Variants in TLE4 observed in about 807,000 individuals in gnomAD.
TLE4 encodes TLE family member 4, transcriptional corepressor.
Under a neutral mutation model 92.8 loss-of-function variants are expected in TLE4, and 8 were observed. The ratio of observed to expected loss-of-function variants is 0.09; its 90% CI spans 0.05 to 0.16. TLE4 has a LOEUF of 0.16. Ranked by LOEUF, TLE4 falls within the 10% of genes least tolerant of loss-of-function variation. The pLI is 1.00. For missense variants in TLE4, 675 were observed against 997.6 expected, an observed-to-expected ratio of 0.68 and a Z score of 4.36; for synonymous variants, 371 against 374.1, an observed-to-expected ratio of 0.99 and a Z score of 0.10.
intron 15 of TLE4, among the ~76,000 whole-genome samples, chr9:79,719,223 G>A (rs185148157): frequency 2.0e-5 from 3 of 152,080 alleles, no homozygotes; most frequent in Admixed American, 6.5e-5. Context: ...AAGGCAAACC[G>A]CTTGTTTTCC....
chr9:79,722,415 T>G (rs1421406836), intron 17 of TLE4, 36 bp from the exon 18 acceptor site: 1 of 1,611,270 alleles, frequency 6.2e-7, no homozygotes. Context: ...GCGTGTCCAC[T>G]GTGGCCACTG....
chr9:79,611,163 T>C (rs1201888804), intron 4 of TLE4, among the ~76,000 whole-genome samples: 2 of 152,080 alleles, frequency 1.3e-5, no homozygotes, highest in East Asian at 1.9e-4. Flanking sequence ...CACTGTGGTA[T>C]GTTCGTCCAG....
chr9:79,673,284 A>C (rs1465087849), intron 8 of TLE4, among the ~76,000 whole-genome samples: 1 of 152,196 alleles, frequency 6.6e-6, no homozygotes, highest in African/African-American at 2.4e-5. Flanking sequence ...GAGATGTACA[A>C]ATCAAATCTG....
At chr9:79,685,721 A>G (rs1459871389) in intron 8 of TLE4, among the ~76,000 whole-genome samples, 1 of 152,202 alleles carries the variant, frequency 6.6e-6, no homozygotes, top group African/African-American at 2.4e-5. Flanking sequence ...TCTGAACATC[A>G]CTTATCCCAC....
At chr9:79,700,550 G>C (rs1055891580) in intron 8 of TLE4, among the ~76,000 whole-genome samples, 2 of 152,150 alleles carry the variant, frequency 1.3e-5, no homozygotes, top group African/African-American at 2.4e-5. Context: ...TTCTCATAGT[G>C]AAATTAGAAC....
intron 6 of TLE4, among the ~76,000 whole-genome samples, chr9:79,638,774 A>G (rs2056527723): frequency 6.6e-6 from 1 of 152,154 alleles, no homozygotes; most frequent in South Asian, 2.1e-4. Flanking sequence ...AGAGGAAAAA[A>G]CAGTTTAAGT....
At position 79,596,871 on chromosome 9, in the gene TLE4, G is replaced by C. The variant is rs147052908; in HGVS notation, c.253-15785G>C. ...GTTTGCTTATTAAAGTCATGGTTTA[G>C]CTAGTCTAGAAATTAGAGTCACACT... On this transcript the variant is annotated intron_variant, in intron 4 of 19. Transcript: ENST00000376552. 2.1e-3 allele frequency among the ~76,000 whole-genome samples: 314 copies of C among 152,290 alleles called. 2 individuals are homozygous for C. Among genetic ancestry groups the C allele is most frequent in the African/African-American group, 7.2e-3 (301 of 41,556 alleles).
chr9:79,678,233 G>A (rs1465488257), intron 8 of TLE4, among the ~76,000 whole-genome samples: 1 of 152,042 alleles, frequency 6.6e-6, no homozygotes, highest in East Asian at 1.9e-4. Context: ...TCAATAATTA[G>A]TACCATTCTT....
At chr9:79,713,167 T>C (rs909495792) in intron 14 of TLE4, among the ~76,000 whole-genome samples, 39 of 152,212 alleles carry the variant, frequency 2.6e-4, no homozygotes, top group Non-Finnish European at 2.1e-4. Context: ...GAAGGTACTG[T>C]GCGCGTGAGA....
At chr9:79,629,554 G>A (rs2133616177) in intron 6 of TLE4, among the ~76,000 whole-genome samples, 1 of 152,244 alleles carries the variant, frequency 6.6e-6, no homozygotes, top group South Asian at 2.1e-4. Flanking sequence ...TAACTCAGCA[G>A]TACATTCTGT....
At chr9:79,656,121 G>A in intron 8 of TLE4, among the ~76,000 whole-genome samples, 1 of 152,162 alleles carries the variant, frequency 6.6e-6, no homozygotes. Flanking sequence ...TATTACGTCA[G>A]GTCTGGGACT....
At chr9:79,681,696 A>G (rs186968480) in intron 8 of TLE4, among the ~76,000 whole-genome samples, 22 of 151,962 alleles carry the variant, frequency 1.4e-4, no homozygotes, top group Middle Eastern at 3.4e-3. Flanking sequence ...TAAGAAAAAT[A>G]TGCTACATAT....
At chr9:79,639,526 C>T (rs994792338) in intron 6 of TLE4, among the ~76,000 whole-genome samples, 3 of 152,066 alleles carry the variant, frequency 2.0e-5, no homozygotes, top group Non-Finnish European at 2.9e-5. Context: ...CATTAATGTC[C>T]TAGGCCTTCA....
chr9:79,626,086 A>G (rs2052542080), intron 5 of TLE4, among the ~76,000 whole-genome samples: 1 of 152,150 alleles, frequency 6.6e-6, no homozygotes, highest in Non-Finnish European at 1.5e-5. Flanking sequence ...CATTTCTATT[A>G]GGAAACCAAG....
intron 8 of TLE4, among the ~76,000 whole-genome samples, chr9:79,678,171 A>G (rs1588137279): frequency 6.6e-6 from 1 of 152,168 alleles, no homozygotes; most frequent in Non-Finnish European, 1.5e-5. Flanking sequence ...ATCTAGATGC[A>G]TAGGTCCACA....
rs2075331763 is a variant in TLE4 at position 79,720,225 on chromosome 9, G to C, written c.1770G>C (p.Lys590Asn). ...CCCTGGCCATCAGCCCCGATTCCAAGGTCTGCTTCTCATGCTGCAGCGACG... is the reference window on the plus strand; with the variant it reads ...CCCTGGCCATCAGCCCCGATTCCAACGTCTGCTTCTCATGCTGCAGCGACG... ...CYALAISPDS[K>N]VCFSCCSDGN... is the part of the protein sequence containing the mutation. Residue 590 changes from lysine to asparagine, a missense_variant, in exon 16 of 20, where the codon AAG becomes AAC. Physicochemically the swap from Lys to Asn is moderately conservative, Grantham distance 94. Transcript: ENST00000376552. 6.2e-7 allele frequency: 1 copy of C among 1,614,042 alleles called. No homozygotes were observed. The highest frequency in any genetic ancestry group is 8.5e-7 in the Non-Finnish European group (1 of 1,180,042).
At chr9:79,642,510 T>G (rs1299015194) in intron 6 of TLE4, among the ~76,000 whole-genome samples, 1 of 152,006 alleles carries the variant, frequency 6.6e-6, no homozygotes, top group Non-Finnish European at 1.5e-5. Flanking sequence ...CTTTAAAGAC[T>G]AAAACTTACA....
chr9:79,650,254 A>T (rs2058748020), intron 6 of TLE4, among the ~76,000 whole-genome samples: 1 of 152,092 alleles, frequency 6.6e-6, no homozygotes, highest in Admixed American at 6.6e-5. Flanking sequence ...ATACATTTTT[A>T]AAACTATCAA....
Position 79,720,171 on chromosome 9 carries a change from G to C in TLE4, c.1716G>C (p.Glu572Asp). 2 of 1,614,202 alleles carry C rather than the reference G, an allele frequency of 1.2e-6. No individual in the cohort carries two copies. Among genetic ancestry groups the C allele is most frequent in the East Asian group, 2.2e-5 (1 of 44,870 alleles). The stretch of plus-strand genomic sequence containing the variant: ...CTCCAACCCCACGCATCAAGGCAGA[G>C]CTGACATCCTCGGCCCCCGCCTGCT... Reference protein sequence around the residue: ...LAAPTPRIKAELTSSAPACYA... With the variant: ...LAAPTPRIKADLTSSAPACYA... Residue 572 changes from glutamate (E) to aspartate (D), a missense_variant, in exon 16 of 20, where the codon GAG (glutamate) becomes GAC (aspartate). Transcript: ENST00000376552.
Sources: allele counts gnomAD v4.1 joint callset (sites outside exome capture counted in the v4.1 genomes callset), GRCh38; gene constraint gnomAD v4.1.1; transcripts MANE v1.5; gene names NCBI Gene and HGNC (gene_info 2026-07-23, HGNC 2026-07-21).